Variants in FSIP1 observed in about 807,000 individuals in gnomAD.
FSIP1 encodes fibrous sheath-interacting protein 1.
FSIP1 carries 65 observed loss-of-function variants against 60.9 expected under a neutral mutation model. The observed-to-expected ratio is 1.07, with a 90% CI of 0.87 to 1.31. FSIP1 has a LOEUF of 1.31. FSIP1 is among the 40% of genes most tolerant of loss of function. The probability of loss-of-function intolerance (pLI) is 0.00; values close to 1 mark genes in which losing one functional copy is unlikely to be tolerated. For missense variants in FSIP1, 675 were observed against 665.5 expected (o/e 1.01, Z -0.16); for synonymous variants, 209 against 221.2 (o/e 0.94, Z 0.49).
chr15:39,712,643 T>C (rs1895567271), intron 10 of FSIP1, among the ~76,000 whole-genome samples: 1 of 152,198 alleles, frequency 6.6e-6, no homozygotes, highest in Non-Finnish European at 1.5e-5. Context: ...AGCTCAGCCT[T>C]GACATGTTTA....
chr15:39,756,416 C>T (rs1395102573), intron 5 of FSIP1, among the ~76,000 whole-genome samples: 1 of 152,096 alleles, frequency 6.6e-6, no homozygotes, highest in Non-Finnish European at 1.5e-5. Context: ...CACACAGTCA[C>T]AAATGCTGCA....
intron 10 of FSIP1, among the ~76,000 whole-genome samples, chr15:39,701,848 C>G (rs1333566634): frequency 2.0e-5 from 3 of 152,050 alleles, no homozygotes; most frequent in Non-Finnish European, 4.4e-5. Context: ...AGTCCTCTAC[C>G]GTGGATTCAA....
chr15:39,772,073 CAGAA>C (rs1897907445), intron 2 of FSIP1, among the ~76,000 whole-genome samples: 1 of 152,184 alleles, frequency 6.6e-6, no homozygotes, highest in South Asian at 2.1e-4. Flanking sequence ...GATCCTAACT[CAGAA>C]AGAGCAGAAG....
intron 11 of FSIP1, among the ~76,000 whole-genome samples, chr15:39,613,155 C>A (rs1891096244): frequency 1.3e-5 from 2 of 152,070 alleles, no homozygotes; most frequent in Admixed American, 6.5e-5. Flanking sequence ...TAGCCTTCAA[C>A]AAATTTACAT....
chr15:39,746,912 A>C (rs1897013549), intron 5 of FSIP1, among the ~76,000 whole-genome samples: 1 of 152,180 alleles, frequency 6.6e-6, no homozygotes, highest in South Asian at 2.1e-4. Flanking sequence ...CTAGTTCAAA[A>C]GAGTACACTC....
intron 10 of FSIP1, among the ~76,000 whole-genome samples, chr15:39,648,943 G>GTT (rs561208113): frequency 6.9e-6 from 1 of 145,598 alleles, no homozygotes. Flanking sequence ...CTTGTGCAAA[G>GTT]TTTTTTTTTT....
At chr15:39,660,103 G>C (rs1287531757) in intron 10 of FSIP1, among the ~76,000 whole-genome samples, 3 of 152,172 alleles carry the variant, frequency 2.0e-5, no homozygotes, top group African/African-American at 4.8e-5. Context: ...AGGATTGAGA[G>C]AGGAAAGAGA....
intron 10 of FSIP1, among the ~76,000 whole-genome samples, chr15:39,620,599 CT>C (rs953627959): frequency 1.9e-3 from 287 of 147,744 alleles, no homozygotes; most frequent in Admixed American, 4.2e-3. Context: ...TAAATGTATT[CT>C]TTTTTTTTTG....
At position 39,746,999 on chromosome 15, in the gene FSIP1, G is replaced by GCTTCCCTCCTTCCCTCCTTCCCTC. The variant is rs34636012; in HGVS notation, c.560-5123_560-5100dup. ...AGACCCTAATGGTTTTCCTGTTTGG[G>GCTTCCCTCCTTCCCTCCTTCCCTC]CTTCCCTCCTTCCCTCCTTCCCTCC... On this transcript the variant is annotated intron_variant, in intron 5 of 11. Coordinates refer to ENST00000350221, the MANE Select transcript of FSIP1 (RefSeq NM_152597.5). 8.2e-5 allele frequency among the ~76,000 whole-genome samples: 11 copies of GCTTCCCTCCTTCCCTCCTTCCCTC among 134,518 alleles called. 1 individual carries two copies. The South Asian group carries it at 1.7e-3, about 21-fold the overall frequency. The allele number at this position is 134,518 out of a possible 152,430, so 88.2% of individuals were successfully genotyped here.
intron 10 of FSIP1, among the ~76,000 whole-genome samples, chr15:39,695,081 T>G (rs1894761027): frequency 6.6e-6 from 1 of 152,206 alleles, no homozygotes; most frequent in African/African-American, 2.4e-5. Flanking sequence ...TTATGTAGGT[T>G]GTACTTCCCT....
chr15:39,753,085 C>G (rs1429556906), intron 5 of FSIP1, among the ~76,000 whole-genome samples: 3 of 152,028 alleles, frequency 2.0e-5, no homozygotes, highest in Admixed American at 6.6e-5. Context: ...GAAGTGGATA[C>G]TTTAAAATCT....
chr15:39,654,905 A>G (rs1473553301), intron 10 of FSIP1, among the ~76,000 whole-genome samples: 1 of 152,252 alleles, frequency 6.6e-6, no homozygotes, highest in Non-Finnish European at 1.5e-5. Flanking sequence ...AGAGGCTTAA[A>G]GGCAAATCAT....
chr15:39,663,568 G>A (rs964740831), intron 10 of FSIP1, among the ~76,000 whole-genome samples: 1 of 152,012 alleles, frequency 6.6e-6, no homozygotes, highest in African/African-American at 2.4e-5. Context: ...AAAACAATAG[G>A]AACTGTACTT....
chr15:39,606,346 G>A (rs546361271), intron 11 of FSIP1, among the ~76,000 whole-genome samples: 1 of 152,282 alleles, frequency 6.6e-6, no homozygotes, highest in African/African-American at 2.4e-5. Flanking sequence ...CTTTTAAACT[G>A]ACACACAATT....
chr15:39,699,539 T>C (rs1054981790), intron 10 of FSIP1, among the ~76,000 whole-genome samples: 1 of 152,212 alleles, frequency 6.6e-6, no homozygotes, highest in Admixed American at 6.5e-5. Context: ...GCCAGTAATA[T>C]CTTTTCTAAA....
chr15:39,632,470 C>A (rs1441870425), intron 10 of FSIP1, among the ~76,000 whole-genome samples: 3 of 152,116 alleles, frequency 2.0e-5, no homozygotes, highest in Non-Finnish European at 4.4e-5. Flanking sequence ...TGAGCCACTG[C>A]GCCCGGCAAC....
In FSIP1 at chr15:39,714,551, G is replaced by A. The variant is rs141180393; in HGVS notation, c.1051-970C>T. Among the ~76,000 whole-genome samples, 461 of 150,610 alleles carry A rather than the reference G, an allele frequency of 3.1e-3. 8 individuals are homozygous for A. In the Middle Eastern group the frequency reaches 0.031, roughly 10 times the overall value. On this transcript the variant is annotated intron_variant, in intron 9 of 11. Coordinates refer to ENST00000350221, the MANE Select transcript of FSIP1 (RefSeq NM_152597.5). Reference sequence around the variant, plus strand: ...TCAAGGCACTTGTTTCTTTCTCACCGTCTTAGTTAAGATATCCTCATCATT... The same window carrying A: ...TCAAGGCACTTGTTTCTTTCTCACCATCTTAGTTAAGATATCCTCATCATT...
chr15:39,656,392 C>A (rs142959524), intron 10 of FSIP1, among the ~76,000 whole-genome samples: 389 of 152,300 alleles, frequency 2.6e-3, no homozygotes, highest in Non-Finnish European at 3.9e-3. Context: ...AAGTTACAAA[C>A]CCAGGTAATA....
intron 5 of FSIP1, among the ~76,000 whole-genome samples, chr15:39,761,782 T>C (rs1451220774): frequency 6.6e-6 from 1 of 152,254 alleles, no homozygotes; most frequent in African/African-American, 2.4e-5. Flanking sequence ...ATTAGCTTGA[T>C]TTAATTATTC....
Sources: gnomAD v4.1 joint callset for allele counts (sites outside exome capture counted in the v4.1 genomes callset) on GRCh38, gnomAD v4.1.1 for gene constraint, MANE v1.5 for transcripts, NCBI Gene and HGNC (gene_info 2026-07-23, HGNC 2026-07-21) for gene names.